CHIC2: variants seen among roughly 807,000 people sequenced by gnomAD.
CHIC2 encodes cysteine rich hydrophobic domain 2, also known as cysteine-rich hydrophobic domain-containing protein 2.
Under a neutral mutation model 25.9 loss-of-function variants are expected in CHIC2, and 14 were observed. The observed-to-expected ratio is 0.54, with a 90% CI of 0.36 to 0.85. CHIC2 has a LOEUF of 0.85. Ranked by LOEUF, CHIC2 falls within the 40% of genes least tolerant of loss-of-function variation. The pLI is 0.01. For synonymous variants in CHIC2, 70 were observed against 72.0 expected, an observed-to-expected ratio of 0.97 and a Z score of 0.14; for missense variants, 146 against 202.0, an observed-to-expected ratio of 0.72 and a Z score of 1.68.
the CHIC2 span, among the ~76,000 whole-genome samples, chr4:54,089,722 C>T: frequency 6.6e-6 from 1 of 152,146 alleles, no homozygotes; most frequent in African/African-American, 2.4e-5. Context: ...GTTCTTGCTG[C>T]ATTTTTATTT....
intron 3 of CHIC2, among the ~76,000 whole-genome samples, chr4:54,032,853 G>C (rs1392858810): frequency 6.6e-6 from 1 of 152,150 alleles, no homozygotes; most frequent in Non-Finnish European, 1.5e-5. Context: ...AAGAGCTGGG[G>C]TATGTGTCCC....
At position 54,030,535 on chromosome 4, in the gene CHIC2, A is replaced by AT. The variant is rs1206175820; in HGVS notation, c.331-16417_331-16416insA. ...CCCTATCTCAAAAGAAAAAAAAAAA[A>AT]AAATATATATATATATGTATACACA... On this transcript the variant is annotated intron_variant, in intron 3 of 5. Coordinates refer to ENST00000263921, the MANE Select transcript of CHIC2 (RefSeq NM_012110.4). Among the ~76,000 whole-genome samples the AT allele has an allele frequency of 8.3e-3, 1,165 of 140,366 alleles. 12 individuals carry two copies. Among genetic ancestry groups the AT allele is most frequent in the African/African-American group, 0.029 (1,043 of 35,846 alleles). The allele number at this position is 140,366 out of a possible 152,430, so 92.1% of individuals were successfully genotyped here. A position where few individuals can be genotyped will look rare whatever the true frequency, so the allele number is the denominator to read the frequency against.
chr4:54,010,776 T>G (rs549265031), intron 5 of CHIC2, among the ~76,000 whole-genome samples: 1 of 152,236 alleles, frequency 6.6e-6, no homozygotes, highest in African/African-American at 2.4e-5. Flanking sequence ...CCCAACTACA[T>G]GAGTCTTCTC....
chr4:54,089,407 A>C, the CHIC2 span, among the ~76,000 whole-genome samples: 1 of 151,450 alleles, frequency 6.6e-6, no homozygotes, highest in Non-Finnish European at 1.5e-5. Context: ...ATATATATAT[A>C]TATATATACA....
intron 3 of CHIC2, among the ~76,000 whole-genome samples, chr4:54,041,878 A>G (rs1035764568): frequency 6.6e-6 from 1 of 152,030 alleles, no homozygotes; most frequent in African/African-American, 2.4e-5. Flanking sequence ...GGGCTAGGGG[A>G]GGGATAGCAT....
chr4:54,038,153 GA>G (rs1716450105), intron 3 of CHIC2, among the ~76,000 whole-genome samples: 1 of 152,022 alleles, frequency 6.6e-6, no homozygotes, highest in Non-Finnish European at 1.5e-5. Context: ...AGAAGGAAAA[GA>G]AAAAGTACAC....
intron 3 of CHIC2, among the ~76,000 whole-genome samples, chr4:54,023,928 G>A (rs911136479): frequency 6.6e-6 from 1 of 152,142 alleles, no homozygotes; most frequent in Admixed American, 6.5e-5. Context: ...TCTTCTCAAG[G>A]CCGCTTTACT....
the CHIC2 span, among the ~76,000 whole-genome samples, chr4:54,080,138 G>A: frequency 6.8e-6 from 1 of 147,238 alleles, no homozygotes; most frequent in Admixed American, 6.8e-5. Context: ...ATATATATAT[G>A]TGTATATATG....
At chr4:54,054,923 T>C (rs780111037) in intron 1 of CHIC2, among the ~76,000 whole-genome samples, 1 of 152,036 alleles carries the variant, frequency 6.6e-6, no homozygotes, top group Non-Finnish European at 1.5e-5. Flanking sequence ...GAAACTGAGA[T>C]CACCAGACAA....
At chr4:54,022,507 C>T (rs1391122150) in intron 3 of CHIC2, among the ~76,000 whole-genome samples, 2 of 152,106 alleles carry the variant, frequency 1.3e-5, no homozygotes, top group Non-Finnish European at 2.9e-5. Context: ...CCAGCTTGGA[C>T]AACATTCTTT....
chr4:54,029,249 G>T (rs544307453), intron 3 of CHIC2, among the ~76,000 whole-genome samples: 9 of 151,980 alleles, frequency 5.9e-5, no homozygotes, highest in African/African-American at 2.2e-4. Flanking sequence ...TAAATTTACT[G>T]GACAGAAATT....
At chr4:54,024,482 A>G (rs575059676) in intron 3 of CHIC2, among the ~76,000 whole-genome samples, 8 of 152,228 alleles carry the variant, frequency 5.3e-5, no homozygotes, top group South Asian at 4.1e-4. Context: ...CACACTATCA[A>G]TCGCACTCAC....
chr4:54,073,819 G>A, the CHIC2 span, among the ~76,000 whole-genome samples: 1 of 152,158 alleles, frequency 6.6e-6, no homozygotes, highest in African/African-American at 2.4e-5. Context: ...ATAAGAAACA[G>A]TAGAAAGACA....
upstream of CHIC2, among the ~76,000 whole-genome samples, chr4:54,067,165 G>A (rs768398732): frequency 2.6e-5 from 4 of 152,182 alleles, no homozygotes; most frequent in Non-Finnish European, 5.9e-5. Flanking sequence ...ACACTGGCTG[G>A]ATGTGGGAGA....
At chr4:54,056,417 T>C (rs1299892989) in intron 1 of CHIC2, among the ~76,000 whole-genome samples, 2 of 152,190 alleles carry the variant, frequency 1.3e-5, no homozygotes, top group Non-Finnish European at 2.9e-5. Context: ...GCAAAATATA[T>C]GGTTGAATTG....
chr4:54,064,120 C>T lies in CHIC2; in HGVS notation c.119+62G>A. ...ACGGACACAGGGGAAACGGGGCTCC[C>T]GTGGAGTAACGGGGCCCACCCCAGC... is the stretch of plus-strand genomic sequence containing the variant. On this transcript the variant is annotated intron_variant, in intron 1 of 5. Coordinates refer to ENST00000263921, the MANE Select transcript of CHIC2 (RefSeq NM_012110.4). This position sits in a 1 kb window ranked among gnomAD's most constrained non-coding sequence, Gnocchi z 4.2. The T allele has an allele frequency of 7.0e-7, 1 of 1,431,090 alleles. No homozygotes were observed. Among genetic ancestry groups the T allele is most frequent in the Non-Finnish European group, 9.6e-7 (1 of 1,036,366 alleles). 88.6% of individuals were successfully genotyped at this position (1,431,090 alleles called of 1,614,324 possible). A position where few individuals can be genotyped will look rare whatever the true frequency, so the allele number is the denominator to read the frequency against.
chr4:54,029,941 T>C (rs1225480144), intron 3 of CHIC2, among the ~76,000 whole-genome samples: 1 of 152,194 alleles, frequency 6.6e-6, no homozygotes, highest in East Asian at 1.9e-4. Flanking sequence ...ACTTCTCCCA[T>C]TTAGATTCTC....
At chr4:54,019,424 C>G (rs11939605) in intron 3 of CHIC2, among the ~76,000 whole-genome samples, 2,480 of 151,950 alleles carry the variant, frequency 0.016, 59 homozygotes, top group African/African-American at 0.057. Context: ...GATAGAAATA[C>G]GCTAAAAAAA....
At chr4:54,042,356 T>TA (rs1346231304) in intron 3 of CHIC2, among the ~76,000 whole-genome samples, 3 of 152,210 alleles carry the variant, frequency 2.0e-5, no homozygotes, top group Admixed American at 6.5e-5. Context: ...AAGTCAATCT[T>TA]ACATCTCACA....
Sources: allele counts gnomAD v4.1 joint callset (sites outside exome capture counted in the v4.1 genomes callset), GRCh38; gene constraint gnomAD v4.1.1; non-coding constraint Gnocchi (gnomAD v3.1); transcripts MANE v1.5; gene names NCBI Gene and HGNC (gene_info 2026-07-23, HGNC 2026-07-21).